The following SPG7 variants were observed in gnomAD, a reference collection of about 807,000 sequenced individuals.
SPG7 encodes SPG7 matrix AAA peptidase subunit, paraplegin, also known as mitochondrial inner membrane m-AAA protease component paraplegin.
Under a neutral mutation model 81.9 loss-of-function variants are expected in SPG7, and 103 were observed. The observed-to-expected ratio is 1.26, with a 90% CI of 1.07 to 1.48. The LOEUF (loss-of-function observed/expected upper bound fraction) is 1.48. Ranked by LOEUF, SPG7 falls within the 40% of genes most tolerant of loss-of-function variation. The pLI is 0.00. For missense variants in SPG7, 1,241 were observed against 1,087.3 expected, an observed-to-expected ratio of 1.14 and a Z score of -1.99; for synonymous variants, 534 against 444.2, an observed-to-expected ratio of 1.20 and a Z score of -2.54.
chr16:89,536,721 C>G (rs760905133), intron 9 of SPG7: 10 of 1,611,376 alleles, frequency 6.2e-6, no homozygotes, highest in Non-Finnish European at 8.5e-6. Context: ...GCGTGGACAC[C>G]AAGGTCTTCG....
intron 13 of SPG7, 134 bp downstream of exon 13, chr16:89,550,743 T>C: frequency 2.9e-6 from 2 of 700,208 alleles, no homozygotes; most frequent in Non-Finnish European, 2.6e-6. Context: ...TGTCTGTAGG[T>C]CATGTGAGAG....
In SPG7 at chr16:89,541,996, C is replaced by T. The variant is rs1395096459; in HGVS notation, c.1325-2652C>T. 7 of 148,774 alleles carry T rather than the reference C, an allele frequency of 4.7e-5. No homozygotes were observed. In the East Asian group the frequency reaches 6.0e-4, roughly 13 times the overall value. 9.2% of individuals were successfully genotyped at this position (148,774 alleles called of 1,614,324 possible). On this transcript the variant is annotated intron_variant, in intron 9 of 16. Coordinates refer to ENST00000645818, the MANE Select transcript of SPG7 (RefSeq NM_003119.4). The stretch of plus-strand genomic sequence containing the variant: ...GTGGCCATCCTAACACATAGCGGCC[C>T]GGGGGGAGCACGTGCCCCGCAGGGT...
At chr16:89,518,048 T>C (rs913716521) in intron 3 of SPG7, 5 of 152,282 alleles carry the variant, frequency 3.3e-5, no homozygotes, top group Admixed American at 2.0e-4. Flanking sequence ...GAGAACCTAT[T>C]CTGGGTTTCC....
Position 89,546,939 on chromosome 16 carries a change from G to A in SPG7, c.1552+179G>A, listed in dbSNP as rs185085271. The A allele has an allele frequency of 2.4e-4, 149 of 627,744 alleles. No individual in the cohort carries two copies. The East Asian group carries it at 2.9e-3, about 12-fold the overall frequency. The allele number at this position is 627,744 out of a possible 1,614,324, so 38.9% of individuals were successfully genotyped here. A position where few individuals can be genotyped will look rare whatever the true frequency, so the allele number is the denominator to read the frequency against. The stretch of plus-strand genomic sequence containing the variant: ...ATGTGGGGCAGCAGGAGGTCCAGAC[G>A]GCACCCGCACTCCGTCCTCCGCCCC... On this transcript the variant is annotated intron_variant, in intron 11 of 16. Transcript: ENST00000645818.
At position 89,553,970 on chromosome 16, in the gene SPG7, C is replaced by T; in HGVS notation, c.2103+10C>T. ...GCAGATGATGGACCATGTGAGTCGG[C>T]TCTGGCCACACCGCTGCCCTCTGTG... On this transcript the variant is annotated intron_variant, in intron 15 of 16. Transcript: ENST00000645818. 1 of 1,609,976 alleles carries T rather than the reference C, an allele frequency of 6.2e-7. No homozygotes were observed. Among genetic ancestry groups the T allele is most frequent in the Non-Finnish European group, 8.5e-7 (1 of 1,179,918 alleles).
At chr16:89,520,746 A>T (rs914956764) in intron 3 of SPG7, 1 of 151,264 alleles carries the variant, frequency 6.6e-6, no homozygotes, top group African/African-American at 2.4e-5. Flanking sequence ...GGTTTTCGCT[A>T]TGTTGCCCAG....
At chr16:89,508,941 A>C (rs1454920576) in intron 1 of SPG7, 1 of 518,310 alleles carries the variant, frequency 1.9e-6, no homozygotes, top group Admixed American at 2.3e-5. Context: ...TTTACAGTCC[A>C]CGCCTGTGGA....
At chr16:89,521,469 G>C (rs1157487766) in intron 3 of SPG7, 1 of 152,250 alleles carries the variant, frequency 6.6e-6, no homozygotes, top group Admixed American at 6.5e-5. Context: ...AATTATTTGG[G>C]ATTTGGCTCA....
chr16:89,544,640 C>T lies in SPG7; in HGVS notation c.1325-8C>T. 2 of 1,613,924 alleles carry T rather than the reference C, an allele frequency of 1.2e-6. No individual in the cohort carries two copies. The highest frequency in any genetic ancestry group is 1.6e-4 in the Middle Eastern group (1 of 6,062). ...CCCTCAGAGCCACTGTCTGCTCTGT[C>T]CCCTCAGGAATGGGTACCACAGACC... On this transcript the variant is annotated splice_polypyrimidine_tract_variant and splice_region_variant and intron_variant, in intron 9 of 16. Coordinates refer to ENST00000645818, the MANE Select transcript of SPG7 (RefSeq NM_003119.4).
At chr16:89,528,087 A>T (rs1440271290) in intron 5 of SPG7, among the ~76,000 whole-genome samples, 1 of 150,832 alleles carries the variant, frequency 6.6e-6, no homozygotes, top group Non-Finnish European at 1.5e-5. Context: ...TAGGCCGATG[A>T]TGGACAGAAG....
At chr16:89,517,215 A>AC (rs1272379359) in intron 3 of SPG7, 1 of 119,850 alleles carries the variant, frequency 8.3e-6, no homozygotes, top group Non-Finnish European at 1.9e-5. Context: ...TTAACCAGGG[A>AC]CGTGTGCCCC....
intron 12 of SPG7, chr16:89,548,377 A>G: frequency 2.1e-6 from 1 of 466,866 alleles, no homozygotes; most frequent in South Asian, 2.5e-5. Context: ...ATAAAAATAA[A>G]AAATGCCCCC....
At chr16:89,544,604 C>G in intron 9 of SPG7, 44 bp from the exon 10 acceptor site, 1 of 1,612,132 alleles carries the variant, frequency 6.2e-7, no homozygotes. Context: ...TCTGTTGTGT[C>G]AGGACCCCTA....
intron 1 of SPG7, among the ~76,000 whole-genome samples, chr16:89,509,370 C>T (rs910019837): frequency 7.2e-5 from 11 of 152,062 alleles, no homozygotes; most frequent in Non-Finnish European, 1.6e-4. Flanking sequence ...CCTGCCTCAG[C>T]CTCCTGAGTA....
At chr16:89,542,182 A>G (rs2058504767) in intron 9 of SPG7, 1 of 152,212 alleles carries the variant, frequency 6.6e-6, no homozygotes, top group Admixed American at 6.5e-5. Context: ...CGGTGTTCCT[A>G]TTACTTTTCC....
intron 3 of SPG7, among the ~76,000 whole-genome samples, chr16:89,514,761 G>A (rs780002964): frequency 6.6e-6 from 1 of 151,974 alleles, no homozygotes; most frequent in African/African-American, 2.4e-5. Flanking sequence ...GCCTCCCAAA[G>A]TTCTAGGATT....
chr16:89,524,404 A>G (rs1355810195), intron 4 of SPG7, among the ~76,000 whole-genome samples, 157 bp downstream of exon 4: 1 of 152,130 alleles, frequency 6.6e-6, no homozygotes, highest in Non-Finnish European at 1.5e-5. Context: ...TTTCTCATGC[A>G]GGGACCTCAG....
chr16:89,547,251 C>T (rs2058575871), intron 11 of SPG7: 1 of 197,464 alleles, frequency 5.1e-6, no homozygotes, highest in South Asian at 8.8e-5. Flanking sequence ...TTTGATTATT[C>T]GTTAGGGTCT....
At position 89,554,097 on chromosome 16, in the gene SPG7, C is replaced by T. The variant is rs527795730; in HGVS notation, c.2103+137C>T. 1.1e-4 allele frequency: 94 copies of T among 827,778 alleles called. 1 individual carries two copies. The East Asian group carries it at 2.4e-3, about 22-fold the overall frequency. 51.3% of individuals were successfully genotyped at this position (827,778 alleles called of 1,614,324 possible). A position where few individuals can be genotyped will look rare whatever the true frequency, so the allele number is the denominator to read the frequency against. ...CCCACCTGGGTTTCTTCCTTCTGGGCTCTGCTGTAGTTCCCACCTGTGGAG... is the reference window on the plus strand; with the variant it reads ...CCCACCTGGGTTTCTTCCTTCTGGGTTCTGCTGTAGTTCCCACCTGTGGAG... On this transcript the variant is annotated intron_variant, in intron 15 of 16. Transcript: ENST00000645818.
Sources: allele counts gnomAD v4.1 joint callset (sites outside exome capture counted in the v4.1 genomes callset), GRCh38; gene constraint gnomAD v4.1.1; transcripts MANE v1.5; gene names NCBI Gene and HGNC (gene_info 2026-07-23, HGNC 2026-07-21).